GRB10: variants seen among roughly 807,000 people sequenced by gnomAD.
GRB10 encodes the protein growth factor receptor bound protein 10, also known as growth factor receptor-bound protein 10.
In GRB10, 20 loss-of-function variants were observed where a neutral mutation model predicts 80.9. The ratio of observed to expected loss-of-function variants is 0.25; its 90% confidence interval spans 0.17 to 0.36. GRB10 has a LOEUF of 0.36. Among genes scored for constraint, GRB10 ranks in the 10% least tolerant of loss-of-function variants. The pLI, the probability that GRB10 is intolerant of heterozygous loss-of-function variation, is 1.00. For synonymous variants in GRB10, 291 were observed against 291.5 expected (o/e 1.00, Z 0.02); for missense variants, 548 against 747.7 (o/e 0.73, Z 3.12).
intron 7 of GRB10, among the ~76,000 whole-genome samples, chr7:50,666,608 G>A (rs936961192): frequency 1.3e-5 from 2 of 152,164 alleles, no homozygotes; most frequent in South Asian, 2.1e-4. Flanking sequence ...GTCCCAGCAC[G>A]CGGGCCAGGG....
intron 7 of GRB10, among the ~76,000 whole-genome samples, chr7:50,641,975 G>A (rs748817782): frequency 1.3e-5 from 2 of 152,224 alleles, no homozygotes; most frequent in Non-Finnish European, 2.9e-5. Flanking sequence ...GCTCACCTGA[G>A]GAACACGGGG....
chr7:50,657,964 T>C (rs2058817286), intron 7 of GRB10, among the ~76,000 whole-genome samples: 1 of 152,090 alleles, frequency 6.6e-6, no homozygotes, highest in African/African-American at 2.4e-5. Flanking sequence ...GGCGAGAGCC[T>C]AAGGAAAGAA....
intron 17 of GRB10, among the ~76,000 whole-genome samples, chr7:50,596,698 C>T (rs1048704109): frequency 2.6e-5 from 4 of 152,098 alleles, no homozygotes; most frequent in African/African-American, 9.6e-5. Flanking sequence ...CATGCCACAA[C>T]TTACTCCTAA....
In GRB10 at chr7:50,700,633, G is replaced by A. The variant is rs541216490; in HGVS notation, c.139+3188C>T. On this transcript the variant is annotated intron_variant, in intron 5 of 18. Coordinates refer to ENST00000401949, the MANE Select transcript of GRB10 (RefSeq NM_001350814.2). ...TTAGCCTTACCACCTTTGCAGCATT[G>A]TATGACTTTCCACCTGTACTATGTT... 3.8e-4 allele frequency among the ~76,000 whole-genome samples: 58 copies of A among 152,104 alleles called. No homozygotes were observed. In the South Asian group the frequency reaches 0.012, roughly 31 times the overall value.
chr7:50,662,299 T>G (rs73114901), intron 7 of GRB10, among the ~76,000 whole-genome samples: 17,800 of 152,164 alleles, frequency 0.12, 1,229 homozygotes, highest in African/African-American at 0.12. Context: ...TGACCCAGGA[T>G]GTGCGAGGCA....
At chr7:50,786,624 AT>A (rs955528298), upstream of GRB10, among the ~76,000 whole-genome samples, 8 of 152,266 alleles carry the variant, frequency 5.3e-5, no homozygotes, top group African/African-American at 1.9e-4. Context: ...ACTATCTTTA[AT>A]TTAGAAATCC....
chr7:50,736,911 A>G (rs1226967978), intron 3 of GRB10, among the ~76,000 whole-genome samples: 2 of 152,230 alleles, frequency 1.3e-5, no homozygotes, highest in Non-Finnish European at 2.9e-5. Context: ...AAAGACCTAA[A>G]CGTAAGAGCT....
chr7:50,624,272 T>C (rs539840189), intron 8 of GRB10, among the ~76,000 whole-genome samples: 32 of 152,310 alleles, frequency 2.1e-4, no homozygotes, highest in African/African-American at 7.5e-4. Flanking sequence ...GGATGTGCCC[T>C]AAGAGTTGGA....
chr7:50,597,225 A>C (rs12540874), intron 17 of GRB10, among the ~76,000 whole-genome samples: 5 of 152,236 alleles, frequency 3.3e-5, no homozygotes, highest in Middle Eastern at 3.4e-3. Context: ...CCTTTCTAAA[A>C]TAGCACTTTG....
At chr7:50,671,145 C>A (rs1029337327) in intron 6 of GRB10, among the ~76,000 whole-genome samples, 4 of 152,200 alleles carry the variant, frequency 2.6e-5, no homozygotes, top group African/African-American at 9.7e-5. Context: ...ACAGCCTCCT[C>A]CACCCTTCCT....
intron 4 of GRB10, chr7:50,727,862 A>G (rs552389851): frequency 2.6e-5 from 4 of 152,370 alleles, no homozygotes; most frequent in Non-Finnish European, 2.9e-5. Context: ...CAAAGTTTAT[A>G]TAAGTGTCTT....
chr7:50,763,002 C>G (rs1485980013), intron 2 of GRB10, among the ~76,000 whole-genome samples: 2 of 151,970 alleles, frequency 1.3e-5, no homozygotes, highest in Admixed American at 1.3e-4. Context: ...CCTGTAGTCC[C>G]AGCTACTCAG....
At chr7:50,736,005 G>A (rs573312078) in intron 3 of GRB10, among the ~76,000 whole-genome samples, 9 of 152,256 alleles carry the variant, frequency 5.9e-5, no homozygotes, top group East Asian at 3.9e-4. Flanking sequence ...ACTTACTAAC[G>A]GCTGGGCATG....
intron 17 of GRB10, among the ~76,000 whole-genome samples, chr7:50,602,131 TG>T (rs1234244435): frequency 7.1e-6 from 1 of 140,400 alleles, no homozygotes; most frequent in Non-Finnish European, 1.6e-5. Context: ...TTCTAAAAAT[TG>T]ACAAGTAAAG....
intron 4 of GRB10, among the ~76,000 whole-genome samples, chr7:50,715,008 T>C (rs1397967698): frequency 6.6e-6 from 1 of 151,532 alleles, no homozygotes; most frequent in Non-Finnish European, 1.5e-5. Context: ...ACTCTCATTG[T>C]CCTGGCTGAC....
chr7:50,637,449 CACA>C (rs555715673), intron 7 of GRB10, among the ~76,000 whole-genome samples: 155 of 152,122 alleles, frequency 1.0e-3, no homozygotes, highest in Admixed American at 3.5e-3. Context: ...CACACACACA[CACA>C]ACATACATAC....
At chr7:50,775,503 C>T (rs1436159846) in intron 2 of GRB10, among the ~76,000 whole-genome samples, 6 of 152,162 alleles carry the variant, frequency 3.9e-5, no homozygotes, top group Non-Finnish European at 7.4e-5. Context: ...TACAGGCTCT[C>T]GAGGGCAGCC....
intron 8 of GRB10, among the ~76,000 whole-genome samples, chr7:50,620,518 C>G (rs927742170): frequency 1.3e-5 from 2 of 152,182 alleles, no homozygotes; most frequent in African/African-American, 4.8e-5. Context: ...GGAGCTGATT[C>G]GTGCTCGGCC....
intron 2 of GRB10, among the ~76,000 whole-genome samples, chr7:50,769,097 T>C (rs1035156163): frequency 6.6e-6 from 1 of 152,186 alleles, no homozygotes; most frequent in African/African-American, 2.4e-5. Flanking sequence ...CCCATGAGAA[T>C]GGAGTCCCCA....
Sources: allele counts gnomAD v4.1 joint callset (sites outside exome capture counted in the v4.1 genomes callset), GRCh38; gene constraint gnomAD v4.1.1; transcripts MANE v1.5; gene names NCBI Gene and HGNC (gene_info 2026-07-23, HGNC 2026-07-21).